The following DGKB variants were observed in gnomAD, a reference collection of about 807,000 sequenced individuals.
The protein encoded by DGKB is diacylglycerol kinase beta.
In DGKB, 67 loss-of-function variants were observed where a neutral mutation model predicts 114.3. The observed-to-expected ratio is 0.59, with a 90% CI of 0.48 to 0.72. DGKB has a LOEUF of 0.72. Ranked by LOEUF, DGKB falls within the 30% of genes least tolerant of loss-of-function variation. The pLI is 0.00. For missense variants in DGKB, 907 were observed against 975.2 expected, an observed-to-expected ratio of 0.93 and a Z score of 0.93; for synonymous variants, 398 against 323.1, an observed-to-expected ratio of 1.23 and a Z score of -2.49.
intron 20 of DGKB, among the ~76,000 whole-genome samples, chr7:14,531,272 TG>T (rs1451908005): frequency 1.3e-5 from 2 of 151,476 alleles, no homozygotes; most frequent in Admixed American, 1.3e-4. Context: ...ATGTTTTCTT[TG>T]AAGACAAAAA....
chr7:14,734,845 CAA>C (rs1564054835), intron 5 of DGKB, among the ~76,000 whole-genome samples: 2 of 151,890 alleles, frequency 1.3e-5, no homozygotes, highest in Admixed American at 1.3e-4. Context: ...GTCCTGTGAT[CAA>C]AGAGTGAGAA....
Position 14,963,603 on chromosome 7 carries a change from G to A in DGKB, c.-188+11093C>T, listed in dbSNP as rs550479274. On this transcript the variant is annotated intron_variant, in intron 1 of 4. Transcript: ENST00000437998. ...TTCACATTGGAGTGGAGGAATGGTCGTCTGCCTGTTGAGAATCAATTCACT... is the reference window on the plus strand; with the variant it reads ...TTCACATTGGAGTGGAGGAATGGTCATCTGCCTGTTGAGAATCAATTCACT... 8.5e-5 allele frequency among the ~76,000 whole-genome samples: 13 copies of A among 152,254 alleles called. No homozygotes were observed. The South Asian group carries it at 1.9e-3, about 22-fold the overall frequency.
Position 14,146,939 on chromosome 7 carries a change from C to T in DGKB, c.*2192G>A, listed in dbSNP as rs1214978473. 6.6e-6 allele frequency: 1 copy of T among 152,168 alleles called. No homozygotes were observed. Among genetic ancestry groups the T allele is most frequent in the Admixed American group, 6.5e-5 (1 of 15,268 alleles). The allele number at this position is 152,168 out of a possible 1,614,324, so 9.4% of individuals were successfully genotyped here. A position where few individuals can be genotyped will look rare whatever the true frequency, so the allele number is the denominator to read the frequency against. On this transcript the variant is annotated 3_prime_UTR_variant, in exon 26 of 26. Coordinates refer to ENST00000402815, the MANE Select transcript of DGKB (RefSeq NM_001350709.2). ...ACTGTACAGATTGTTAAGAATGATT[C>T]ACAAACTGTTGCTGCCTTCAAACTA...
At chr7:14,460,701 C>G (rs781695620) in intron 21 of DGKB, among the ~76,000 whole-genome samples, 15 of 152,098 alleles carry the variant, frequency 9.9e-5, no homozygotes, top group African/African-American at 1.4e-4. Context: ...ATCAACAAGA[C>G]AGGAAATTAA....
chr7:14,652,823 C>A (rs560510078), intron 13 of DGKB, among the ~76,000 whole-genome samples: 1 of 152,138 alleles, frequency 6.6e-6, no homozygotes, highest in East Asian at 1.9e-4. Context: ...AACAAACAAC[C>A]CCATCAAAAA....
At chr7:14,431,051 T>C (rs1828378322) in intron 21 of DGKB, among the ~76,000 whole-genome samples, 1 of 152,140 alleles carries the variant, frequency 6.6e-6, no homozygotes, top group Admixed American at 6.6e-5. Flanking sequence ...GATGTGACTT[T>C]CCTGGCTATA....
At chr7:14,404,242 T>C (rs1823586528) in intron 21 of DGKB, among the ~76,000 whole-genome samples, 1 of 151,544 alleles carries the variant, frequency 6.6e-6, no homozygotes, top group African/African-American at 2.4e-5. Context: ...ATCATACATA[T>C]GTCTCGGATA....
intron 13 of DGKB, among the ~76,000 whole-genome samples, chr7:14,664,970 G>A (rs1004002193): frequency 2.6e-5 from 4 of 151,924 alleles, no homozygotes; most frequent in Non-Finnish European, 4.4e-5. Flanking sequence ...AGCGAGCACT[G>A]CAGATATTGT....
chr7:14,258,261 A>G (rs1796237540), intron 23 of DGKB, among the ~76,000 whole-genome samples: 1 of 152,236 alleles, frequency 6.6e-6, no homozygotes, highest in South Asian at 2.1e-4. Flanking sequence ...GGATTACCAG[A>G]ATAAGAAGAC....
intron 13 of DGKB, among the ~76,000 whole-genome samples, chr7:14,633,582 A>G (rs1222695860): frequency 1.3e-5 from 2 of 151,920 alleles, no homozygotes; most frequent in South Asian, 2.1e-4. Flanking sequence ...TAGCTATCGT[A>G]TCACTTCTTT....
intron 1 of DGKB, among the ~76,000 whole-genome samples, chr7:14,843,246 A>G (rs951302321): frequency 1.6e-4 from 24 of 151,444 alleles, no homozygotes; most frequent in African/African-American, 4.6e-4. Context: ...AAATGTATAC[A>G]TATACCAAGA....
chr7:14,594,461 G>A (rs1474732528), intron 17 of DGKB, among the ~76,000 whole-genome samples: 1 of 152,040 alleles, frequency 6.6e-6, no homozygotes, highest in African/African-American at 2.4e-5. Flanking sequence ...GGAAAAATAC[G>A]ATAAAGAGTG....
chr7:14,791,790 G>A (rs191605102), intron 2 of DGKB, among the ~76,000 whole-genome samples: 365 of 152,116 alleles, frequency 2.4e-3, no homozygotes, highest in African/African-American at 7.9e-3. Context: ...TGGACATGAC[G>A]TATCATTTTA....
chr7:14,808,029 A>G (rs1842975339), intron 2 of DGKB, among the ~76,000 whole-genome samples: 1 of 152,052 alleles, frequency 6.6e-6, no homozygotes. Flanking sequence ...AATGACTAAA[A>G]TAATTGTCAA....
intron 23 of DGKB, among the ~76,000 whole-genome samples, chr7:14,240,264 A>G (rs578251653): frequency 6.6e-5 from 10 of 152,172 alleles, no homozygotes; most frequent in Admixed American, 3.3e-4. Flanking sequence ...CTCAAAGCCT[A>G]GGTTCCATGT....
In DGKB at chr7:14,300,405, C is replaced by A. The variant is rs144084895; in HGVS notation, c.2122+38110G>T. The stretch of plus-strand genomic sequence containing the variant: ...GTGCAACTGGAACAACCAGACTTTT[C>A]TTAAATGGTTAATGATATGACTCAT... On this transcript the variant is annotated intron_variant, in intron 23 of 25. Coordinates refer to ENST00000402815, the MANE Select transcript of DGKB (RefSeq NM_001350709.2). Among the ~76,000 whole-genome samples the A allele has an allele frequency of 1.0e-3, 152 of 152,162 alleles. No individual in the cohort carries two copies. In the Middle Eastern group the frequency reaches 0.01, roughly 10 times the overall value.
chr7:14,660,239 T>C (rs571504205), intron 13 of DGKB, among the ~76,000 whole-genome samples: 24 of 152,030 alleles, frequency 1.6e-4, no homozygotes, highest in Admixed American at 1.6e-3. Context: ...AGGATGATGC[T>C]GGCCTCATCA....
chr7:14,389,958 A>AT (rs1018224092), intron 21 of DGKB, among the ~76,000 whole-genome samples: 2 of 152,306 alleles, frequency 1.3e-5, no homozygotes, highest in African/African-American at 4.8e-5. Context: ...AGGGCATCCC[A>AT]TTCAACCCCC....
At chr7:14,703,738 C>T (rs573150384) in intron 6 of DGKB, among the ~76,000 whole-genome samples, 2 of 152,084 alleles carry the variant, frequency 1.3e-5, no homozygotes, top group Non-Finnish European at 2.9e-5. Context: ...ATTTGGTCAT[C>T]GTTCCTGAAA....
Sources: allele counts gnomAD v4.1 joint callset (sites outside exome capture counted in the v4.1 genomes callset), GRCh38; gene constraint gnomAD v4.1.1; transcripts MANE v1.5; gene names NCBI Gene and HGNC (gene_info 2026-07-23, HGNC 2026-07-21).